The following CHMP2B variants were observed in gnomAD, a reference collection of about 807,000 sequenced individuals.
CHMP2B encodes charged multivesicular body protein 2B.
Under a neutral mutation model 29.8 loss-of-function variants are expected in CHMP2B, and 22 were observed. The observed-to-expected ratio is 0.74, with a 90% CI of 0.53 to 1.05. The LOEUF is 1.05. Ranked by LOEUF, CHMP2B falls within the 50% of genes least tolerant of loss-of-function variation. CHMP2B has a pLI of 0.00. For missense variants in CHMP2B, 261 were observed against 252.2 expected, an observed-to-expected ratio of 1.03 and a Z score of -0.24; for synonymous variants, 78 against 75.8, an observed-to-expected ratio of 1.03 and a Z score of -0.15.
intron 1 of CHMP2B, among the ~76,000 whole-genome samples, chr3:87,230,685 C>A (rs1288609163): frequency 6.6e-6 from 1 of 152,130 alleles, no homozygotes; most frequent in Non-Finnish European, 1.5e-5. Context: ...TTTCTTTTTG[C>A]TTTTCATCTA....
intron 2 of CHMP2B, among the ~76,000 whole-genome samples, chr3:87,241,932 A>G (rs1287312957): frequency 6.6e-6 from 1 of 152,164 alleles, no homozygotes; most frequent in African/African-American, 2.4e-5. Flanking sequence ...TCCCATTAGC[A>G]ATGTATGAAA....
chr3:87,242,430 C>T lies in CHMP2B; in HGVS notation c.126+1640C>T, dbSNP rs149647638. 2.7e-3 allele frequency among the ~76,000 whole-genome samples: 412 copies of T among 152,160 alleles called. 1 individual carries two copies. Among genetic ancestry groups the T allele is most frequent in the African/African-American group, 9.2e-3 (383 of 41,540 alleles). On this transcript the variant is annotated intron_variant, in intron 2 of 5. Transcript: ENST00000263780. Reference sequence around the variant, plus strand: ...TTGCAGATCTTCTGTCTACTTGTCACAATTAGAGTGTATACATAAGAGTGG... The same window carrying T: ...TTGCAGATCTTCTGTCTACTTGTCATAATTAGAGTGTATACATAAGAGTGG...
rs1705826996 is a variant in CHMP2B, at chr3:87,227,391, C to T, written c.-132C>T. 4 of 1,017,564 alleles carry T rather than the reference C, an allele frequency of 3.9e-6. No individual in the cohort carries two copies. Among genetic ancestry groups the T allele is most frequent in the South Asian group, 1.3e-5 (1 of 76,934 alleles). The allele number at this position is 1,017,564 out of a possible 1,614,324, so 63.0% of individuals were successfully genotyped here. A position where few individuals can be genotyped will look rare whatever the true frequency, so the allele number is the denominator to read the frequency against. The stretch of plus-strand genomic sequence containing the variant: ...GCCTTCCGCGGGTCCTGCCTGGCGA[C>T]CCCGACCTCCTCCTGCTGTCTCTCC... On this transcript the variant is annotated 5_prime_UTR_variant, in exon 1 of 6. Transcript: ENST00000263780.
chr3:87,235,981 A>T (rs1249203999), intron 1 of CHMP2B, among the ~76,000 whole-genome samples: 1 of 152,240 alleles, frequency 6.6e-6, no homozygotes, highest in Non-Finnish European at 1.5e-5. Flanking sequence ...TTTAAAGTAT[A>T]CAATTAGTAA....
In CHMP2B at chr3:87,249,976, GA is replaced by G. The variant is rs1169652716; in HGVS notation, c.424del (p.Ile142SerfsTer22). On this transcript the variant is annotated frameshift_variant and splice_region_variant, in exon 4 of 6. Coordinates refer to ENST00000263780, the MANE Select transcript of CHMP2B (RefSeq NM_014043.4). LOFTEE classifies it high-confidence loss of function. ...NMKMEMTEEMINDTLDDIFDG... is the reference protein window; with the variant it reads ...NMKMEMTEEMXNDTLDDIFDG... ...TGAAAATGGAAATGACTGAAGAAAT[GA>G]GTAAGTTTAATAAATTATAATGAAA... 1 of 1,510,818 alleles carries G rather than the reference GA, an allele frequency of 6.6e-7. No individual in the cohort carries two copies. Among genetic ancestry groups the G allele is most frequent in the South Asian group, 1.2e-5 (1 of 86,914 alleles). 93.6% of individuals were successfully genotyped at this position (1,510,818 alleles called of 1,614,324 possible).
intron 4 of CHMP2B, among the ~76,000 whole-genome samples, chr3:87,251,870 C>G (rs1706319124): frequency 6.6e-6 from 1 of 151,102 alleles, no homozygotes; most frequent in African/African-American, 2.4e-5. Flanking sequence ...GCAACTACTA[C>G]TTTACTTATA....
At chr3:87,250,276 G>A (rs1359965190) in intron 4 of CHMP2B, among the ~76,000 whole-genome samples, 2 of 151,968 alleles carry the variant, frequency 1.3e-5, no homozygotes, top group Non-Finnish European at 1.5e-5. Flanking sequence ...CTTTGATACT[G>A]TAGAAGATTT....
In CHMP2B at chr3:87,227,421, C is replaced by A. The variant is rs36098294; in HGVS notation, c.-102C>A. ...ACCTCCTCCTGCTGTCTCTCCGCTC[C>A]GCCACCCCGAACCCGCCAAGGTCCT... On this transcript the variant is annotated 5_prime_UTR_variant, in exon 1 of 6. Transcript: ENST00000263780. 1.4e-6 allele frequency: 2 copies of A among 1,405,646 alleles called. No individual in the cohort carries two copies. The highest frequency in any genetic ancestry group is 2.0e-6 in the Non-Finnish European group (2 of 992,290). The allele number at this position is 1,405,646 out of a possible 1,614,324, so 87.1% of individuals were successfully genotyped here. A position where few individuals can be genotyped will look rare whatever the true frequency, so the allele number is the denominator to read the frequency against.
chr3:87,247,374 T>A (rs1230328090), intron 3 of CHMP2B, among the ~76,000 whole-genome samples: 2 of 152,228 alleles, frequency 1.3e-5, no homozygotes, highest in African/African-American at 4.8e-5. Flanking sequence ...AAGCACATCA[T>A]GTCCTTCTTT....
chr3:87,249,912 A>G lies in CHMP2B; in HGVS notation c.359A>G (p.Lys120Arg). ...GTTAACAAGAAGATGGATCCACAAAAGACATTACAAACAATGCAGAATTTC... is the reference window on the plus strand; with the variant it reads ...GTTAACAAGAAGATGGATCCACAAAGGACATTACAAACAATGCAGAATTTC... The part of the protein sequence containing the change: ...QAVNKKMDPQ[K>R]TLQTMQNFQK... Residue 120 changes from lysine (K) to arginine (R), a missense_variant, in exon 4 of 6, where the codon AAG (lysine) becomes AGG (arginine). Transcript: ENST00000263780. The G allele has an allele frequency of 6.2e-7, 1 of 1,608,174 alleles. No homozygotes were observed. The highest frequency in any genetic ancestry group is 1.3e-5 in the African/African-American group (1 of 74,898).
chr3:87,237,390 A>G (rs1706035781), intron 1 of CHMP2B, among the ~76,000 whole-genome samples: 1 of 152,206 alleles, frequency 6.6e-6, no homozygotes, highest in South Asian at 2.1e-4. Flanking sequence ...AGGCCATCTG[A>G]GAACACAGCA....
intron 1 of CHMP2B, 48 bp downstream of exon 1, chr3:87,227,604 C>T: frequency 6.2e-7 from 1 of 1,612,190 alleles, no homozygotes; most frequent in Non-Finnish European, 8.5e-7. Context: ...GTTTTCTCGG[C>T]GTCTTTCGAG....
intron 4 of CHMP2B, 157 bp from the exon 5 acceptor site, chr3:87,253,247 A>G (rs1706347774): frequency 1.6e-6 from 1 of 628,500 alleles, no homozygotes. Flanking sequence ...TGTATTTATC[A>G]ATTTACTTCA....
chr3:87,231,095 A>T (rs949134633), intron 1 of CHMP2B, among the ~76,000 whole-genome samples: 3 of 151,808 alleles, frequency 2.0e-5, no homozygotes, highest in African/African-American at 7.3e-5. Flanking sequence ...CTCTCCCTGC[A>T]TGATCTTATT....
intron 1 of CHMP2B, chr3:87,240,469 C>T: frequency 2.5e-6 from 1 of 393,490 alleles, no homozygotes; most frequent in Non-Finnish European, 4.9e-6. Context: ...TGCCACCACA[C>T]CCGGCTAATT....
chr3:87,228,987 G>A lies in CHMP2B; in HGVS notation c.34+1431G>A, dbSNP rs192664752. ...TTTGCTTGAGTTTTATATAGTTACA[G>A]TTTTTTTTTGTTGTTTAGTTTTATA... is the stretch of plus-strand genomic sequence containing the variant. On this transcript the variant is annotated intron_variant, in intron 1 of 5. Coordinates refer to ENST00000263780, the MANE Select transcript of CHMP2B (RefSeq NM_014043.4). Among the ~76,000 whole-genome samples the A allele has an allele frequency of 3.3e-3, 495 of 151,158 alleles. 6 individuals carry two copies. The highest frequency in any genetic ancestry group is 0.014 in the South Asian group (68 of 4,784).
At chr3:87,251,438 A>T (rs1286329476) in intron 4 of CHMP2B, among the ~76,000 whole-genome samples, 1 of 151,998 alleles carries the variant, frequency 6.6e-6, no homozygotes, top group Non-Finnish European at 1.5e-5. Flanking sequence ...TAATGAAAAG[A>T]ATCAATAACC....
In CHMP2B at chr3:87,253,466, G is replaced by A. The variant is rs1243249056; in HGVS notation, c.487G>A (p.Val163Met). Residue 163 changes from valine (V) to methionine (M), a missense_variant, in exon 5 of 6, where the codon GTG (valine) becomes ATG (methionine). Coordinates refer to ENST00000263780, the MANE Select transcript of CHMP2B (RefSeq NM_014043.4). The stretch of plus-strand genomic sequence containing the variant: ...TGACGAAGAAGAAAGCCAGGATATT[G>A]TGAATCAAGTTCTTGATGAAATTGG... ...SDDEEESQDIVNQVLDEIGIE... is the reference protein window; with the variant it reads ...SDDEEESQDIMNQVLDEIGIE... 6.2e-7 allele frequency: 1 copy of A among 1,611,726 alleles called. No homozygotes were observed. The highest frequency in any genetic ancestry group is 8.5e-7 in the Non-Finnish European group (1 of 1,178,210).
intron 3 of CHMP2B, among the ~76,000 whole-genome samples, chr3:87,246,139 T>A (rs1706208908): frequency 6.6e-6 from 1 of 151,388 alleles, no homozygotes; most frequent in Non-Finnish European, 1.5e-5. Context: ...TTTTCTTTCT[T>A]CTTTTCTTTT....
Sources: gnomAD v4.1 joint callset for allele counts (sites outside exome capture counted in the v4.1 genomes callset) on GRCh38, gnomAD v4.1.1 for gene constraint, MANE v1.5 for transcripts, NCBI Gene and HGNC (gene_info 2026-07-23, HGNC 2026-07-21) for gene names.